UTRN: variants seen among roughly 807,000 people sequenced by gnomAD.
The protein encoded by UTRN is utrophin.
In UTRN, 283 loss-of-function variants were observed where a neutral mutation model predicts 463.9. The observed-to-expected ratio is 0.61, with a 90% confidence interval of 0.55 to 0.67. The LOEUF (loss-of-function observed/expected upper bound fraction) is 0.67, where lower values mean the gene tolerates loss of function less well. Ranked by LOEUF, UTRN falls within the 30% of genes least tolerant of loss-of-function variation. The pLI, the probability that UTRN is intolerant of heterozygous loss-of-function variation, is 0.00. For missense variants in UTRN, 3,922 were observed against 4,084.3 expected, an observed-to-expected ratio of 0.96 and a Z score of 1.08; for synonymous variants, 1,442 against 1,431.5, an observed-to-expected ratio of 1.01 and a Z score of -0.17.
intron 53 of UTRN, among the ~76,000 whole-genome samples, chr6:144,704,794 C>T (rs9373423): frequency 0.52 from 79,419 of 151,710 alleles, 25,038 homozygotes; most frequent in East Asian, 0.88. Context: ...AAACCCCGCC[C>T]CTACTAAAAA....
chr6:144,598,803 C>T (rs998041841), intron 51 of UTRN, among the ~76,000 whole-genome samples: 2 of 152,106 alleles, frequency 1.3e-5, no homozygotes, highest in Non-Finnish European at 2.9e-5. Context: ...TGAGGCATGT[C>T]CAACCACCCA....
intron 66 of UTRN, among the ~76,000 whole-genome samples, chr6:144,825,403 T>C: frequency 6.6e-6 from 1 of 152,338 alleles, no homozygotes; most frequent in South Asian, 2.1e-4. Flanking sequence ...ATGAAAAAGC[T>C]TATCATTTAA....
chr6:144,340,687 G>A lies in UTRN; in HGVS notation c.79+48780G>A, dbSNP rs1399205421. ...TGATTACTGCTGTCAACACTAGATTGAATAAGAAAGCGCATACCCTAGACA... is the reference window on the plus strand; with the variant it reads ...TGATTACTGCTGTCAACACTAGATTAAATAAGAAAGCGCATACCCTAGACA... On this transcript the variant is annotated intron_variant, in intron 2 of 74. Coordinates refer to ENST00000367545, the MANE Select transcript of UTRN (RefSeq NM_007124.3). Among the ~76,000 whole-genome samples, 8 of 152,174 alleles carry A rather than the reference G, an allele frequency of 5.3e-5. No homozygotes were observed. The East Asian group carries it at 1.5e-3, about 29-fold the overall frequency.
intron 58 of UTRN, among the ~76,000 whole-genome samples, chr6:144,761,910 C>T (rs1792731442): frequency 6.6e-6 from 1 of 151,974 alleles, no homozygotes; most frequent in African/African-American, 2.4e-5. Flanking sequence ...TAAAATTCAC[C>T]ATTTCTCAGT....
intron 41 of UTRN, among the ~76,000 whole-genome samples, chr6:144,529,895 C>A (rs1280240447): frequency 6.6e-6 from 1 of 152,062 alleles, no homozygotes; most frequent in African/African-American, 2.4e-5. Flanking sequence ...TATTTAGGAT[C>A]CTGGTCCAAT....
At chr6:144,799,155 G>T (rs1360559293) in intron 64 of UTRN, among the ~76,000 whole-genome samples, 2 of 152,252 alleles carry the variant, frequency 1.3e-5, no homozygotes, top group African/African-American at 4.8e-5. Context: ...ATCAGTATTA[G>T]TATCTTGAAT....
intron 51 of UTRN, among the ~76,000 whole-genome samples, chr6:144,654,252 G>A (rs1177908754): frequency 1.3e-5 from 2 of 152,220 alleles, no homozygotes; most frequent in African/African-American, 2.4e-5. Flanking sequence ...CAGGGACATG[G>A]TTCAGAGTTG....
intron 51 of UTRN, among the ~76,000 whole-genome samples, chr6:144,612,475 C>T (rs1341643691): frequency 6.6e-6 from 1 of 151,938 alleles, no homozygotes; most frequent in Non-Finnish European, 1.5e-5. Context: ...AAGGGGTTAA[C>T]AGCCAATATA....
intron 58 of UTRN, among the ~76,000 whole-genome samples, chr6:144,763,486 G>A (rs1260115630): frequency 6.6e-6 from 1 of 152,182 alleles, no homozygotes; most frequent in Non-Finnish European, 1.5e-5. Context: ...TGGGGAGCGA[G>A]TAGTTGATCT....
intron 53 of UTRN, among the ~76,000 whole-genome samples, chr6:144,723,503 C>T (rs1260663019): frequency 6.6e-6 from 1 of 152,056 alleles, no homozygotes; most frequent in Non-Finnish European, 1.5e-5. Context: ...AAGACCTGAA[C>T]CTTACCATGC....
intron 65 of UTRN, among the ~76,000 whole-genome samples, chr6:144,820,357 A>G (rs996091144): frequency 6.6e-5 from 10 of 151,986 alleles, no homozygotes; most frequent in African/African-American, 1.7e-4. Flanking sequence ...CAGAGCACCA[A>G]TGTGGCCCTG....
At chr6:144,430,757 TA>T (rs1392875798) in intron 9 of UTRN, among the ~76,000 whole-genome samples, 1 of 152,172 alleles carries the variant, frequency 6.6e-6, no homozygotes, top group Non-Finnish European at 1.5e-5. Flanking sequence ...CAGATTTCTT[TA>T]AAAAATATTA....
chr6:144,403,008 G>A, intron 2 of UTRN, 115 bp from the exon 3 acceptor site: 2 of 891,592 alleles, frequency 2.2e-6, no homozygotes, highest in South Asian at 1.5e-5. Context: ...TGCTCAAGGA[G>A]CTCGACTAAT....
intron 39 of UTRN, among the ~76,000 whole-genome samples, chr6:144,518,414 T>C (rs1207288170): frequency 6.6e-6 from 1 of 152,240 alleles, no homozygotes; most frequent in East Asian, 1.9e-4. Flanking sequence ...TCACTTCCCA[T>C]GTAGTACAGC....
intron 54 of UTRN, among the ~76,000 whole-genome samples, chr6:144,743,100 G>A (rs372299827): frequency 6.6e-6 from 1 of 152,134 alleles, no homozygotes; most frequent in African/African-American, 2.4e-5. Context: ...TCAATAAAGA[G>A]GAGCACTAAA....
rs1048220073 is a variant in UTRN at position 144,550,498 on chromosome 6, A to T, written c.6811-467A>T. ...CAGTTTTTCGTGTCTAAGAGGATTT[A>T]ATTTATAGTTATTCCTCTTAGCACT... On this transcript the variant is annotated intron_variant, in intron 47 of 74. Transcript: ENST00000367545. Among the ~76,000 whole-genome samples the T allele has an allele frequency of 4.6e-5, 7 of 152,228 alleles. No homozygotes were observed. The East Asian group carries it at 7.7e-4, about 17-fold the overall frequency.
intron 41 of UTRN, among the ~76,000 whole-genome samples, chr6:144,530,318 T>G (rs1429019864): frequency 6.6e-6 from 1 of 152,182 alleles, no homozygotes; most frequent in Non-Finnish European, 1.5e-5. Context: ...CTCTTCCACC[T>G]ATTATAAGGA....
Position 144,802,987 on chromosome 6 carries a change from A to G in UTRN, c.9246-49A>G. The G allele has an allele frequency of 1.6e-6, 2 of 1,286,860 alleles. 1 individual carries two copies. Among genetic ancestry groups the G allele is most frequent in the South Asian group, 4.0e-5 (2 of 50,204 alleles). The allele number at this position is 1,286,860 out of a possible 1,614,324, so 79.7% of individuals were successfully genotyped here. ...ATGAAATTTCTTACCACAAATTTAGACTAAATGATAGTAATGCAAGCCAAT... is the reference window on the plus strand; with the variant it reads ...ATGAAATTTCTTACCACAAATTTAGGCTAAATGATAGTAATGCAAGCCAAT... On this transcript the variant is annotated intron_variant, in intron 64 of 74. Coordinates refer to ENST00000367545, the MANE Select transcript of UTRN (RefSeq NM_007124.3).
intron 53 of UTRN, among the ~76,000 whole-genome samples, chr6:144,714,728 T>C (rs1364477022): frequency 6.6e-6 from 1 of 152,196 alleles, no homozygotes; most frequent in Non-Finnish European, 1.5e-5. Context: ...TCCATCTCCT[T>C]AGGTAAGGAA....
Sources: allele counts gnomAD v4.1 joint callset (sites outside exome capture counted in the v4.1 genomes callset), GRCh38; gene constraint gnomAD v4.1.1; transcripts MANE v1.5; gene names NCBI Gene and HGNC (gene_info 2026-07-23, HGNC 2026-07-21).